The following XIRP2 variants were observed in gnomAD, a reference collection of about 807,000 sequenced individuals.
XIRP2 encodes the protein xin actin-binding repeat-containing protein 2.
In XIRP2, 236 loss-of-function variants were observed where a neutral mutation model predicts 277.0. The observed-to-expected ratio is 0.85, with a 90% CI of 0.77 to 0.95. XIRP2 has a LOEUF of 0.95. Among genes scored for constraint, XIRP2 ranks in the 40% least tolerant of loss-of-function variants. The pLI is 0.00. For missense variants in XIRP2, 4,640 were observed against 4,157.5 expected (o/e 1.12, Z -3.19); for synonymous variants, 1,490 against 1,416.5 (o/e 1.05, Z -1.17).
At chr2:166,933,243 G>C (rs1050970449) in intron 2 of XIRP2, among the ~76,000 whole-genome samples, 4 of 151,232 alleles carry the variant, frequency 2.6e-5, no homozygotes, top group African/African-American at 9.7e-5. Flanking sequence ...CCACCTCCCG[G>C]GTTCACACCA....
intron 2 of XIRP2, among the ~76,000 whole-genome samples, chr2:167,065,439 A>G (rs542243906): frequency 6.6e-6 from 1 of 151,888 alleles, no homozygotes; most frequent in Admixed American, 6.6e-5. Context: ...TGATTTGTAA[A>G]TATTTTCTCC....
Position 167,001,024 on chromosome 2 carries a change from C to T in XIRP2, c.408+97134C>T, listed in dbSNP as rs181399350. Among the ~76,000 whole-genome samples the T allele has an allele frequency of 4.4e-3, 670 of 152,164 alleles. 6 individuals carry two copies. The highest frequency in any genetic ancestry group is 4.1e-3 in the Non-Finnish European group (281 of 67,992). ...ATTGTGCCTGTAAATAGCCCCTTCA[C>T]TTCAGCCTCCATTTCTTAAAAAATA... On this transcript the variant is annotated intron_variant, in intron 2 of 10. Transcript: ENST00000409195.
chr2:167,123,401 C>A (rs570787270), intron 2 of XIRP2, among the ~76,000 whole-genome samples: 1 of 152,254 alleles, frequency 6.6e-6, no homozygotes, highest in East Asian at 1.9e-4. Context: ...CAGTTATAAT[C>A]TTATGCCTGT....
rs1240009890 is a variant in XIRP2 at position 167,248,725 on chromosome 2, G to A, written c.7333G>A (p.Glu2445Lys). 2 of 1,613,484 alleles carry A rather than the reference G, an allele frequency of 1.2e-6. No individual in the cohort carries two copies. Among genetic ancestry groups the A allele is most frequent in the Non-Finnish European group, 1.7e-6 (2 of 1,179,788 alleles). ...DNKNDFSPKV[E>K]LATSLSDMEC... ...TAAGAACGATTTTTCCCCCAAAGTT[G>A]AACTGGCAACCTCCCTGTCAGATAT... is the stretch of plus-strand genomic sequence containing the variant. The change falls in exon 9 of 11, where the codon GAA becomes AAA. Residue 2445 changes from glutamate to lysine, a missense_variant. By Grantham distance (56) the Glu-to-Lys change is moderately conservative. Transcript: ENST00000409195.
chr2:166,931,930 A>G (rs1045653795), intron 2 of XIRP2, among the ~76,000 whole-genome samples: 1 of 152,100 alleles, frequency 6.6e-6, no homozygotes, highest in Non-Finnish European at 1.5e-5. Flanking sequence ...CATTATTTAT[A>G]TGTGTATTTT....
intron 2 of XIRP2, among the ~76,000 whole-genome samples, chr2:166,926,967 G>A (rs1169623879): frequency 6.6e-6 from 1 of 152,078 alleles, no homozygotes; most frequent in Non-Finnish European, 1.5e-5. Flanking sequence ...TCCTGGGAAT[G>A]GGAGGCAAAG....
At chr2:167,180,647 A>G (rs1370704248) in intron 3 of XIRP2, among the ~76,000 whole-genome samples, 5 of 152,160 alleles carry the variant, frequency 3.3e-5, no homozygotes, top group African/African-American at 1.2e-4. Context: ...TGTAGCTTGT[A>G]TCTTTGTGAC....
intron 2 of XIRP2, among the ~76,000 whole-genome samples, chr2:166,969,253 A>C (rs1257399980): frequency 6.6e-6 from 1 of 152,016 alleles, no homozygotes; most frequent in Non-Finnish European, 1.5e-5. Flanking sequence ...GGATGAGGTC[A>C]ATTCTACCTA....
chr2:167,099,367 G>A (rs1240637892), intron 2 of XIRP2, among the ~76,000 whole-genome samples: 6 of 152,130 alleles, frequency 3.9e-5, no homozygotes, highest in Admixed American at 3.3e-4. Context: ...CACCAAGCTC[G>A]AGCATCCCAG....
intron 2 of XIRP2, among the ~76,000 whole-genome samples, chr2:167,085,770 GC>G (rs1421422884): frequency 1.3e-5 from 2 of 152,010 alleles, no homozygotes; most frequent in African/African-American, 2.4e-5. Context: ...TGCAACCCCT[GC>G]CTTTTTTGTT....
At chr2:167,134,997 C>T (rs1462064080) in intron 2 of XIRP2, among the ~76,000 whole-genome samples, 3 of 151,790 alleles carry the variant, frequency 2.0e-5, no homozygotes, top group Non-Finnish European at 2.9e-5. Flanking sequence ...TATTGTGGAC[C>T]GCAGGTAAAT....
intron 2 of XIRP2, among the ~76,000 whole-genome samples, chr2:167,068,320 A>G (rs1689352759): frequency 6.6e-6 from 1 of 152,202 alleles, no homozygotes; most frequent in Admixed American, 6.5e-5. Context: ...TAATTCTTGA[A>G]CATATTAAAT....
In XIRP2 at chr2:167,251,198, C is replaced by T. The variant is rs1281844486; in HGVS notation, c.9806C>T (p.Ala3269Val). 2.5e-6 allele frequency: 4 copies of T among 1,613,382 alleles called. No homozygotes were observed. In the African/African-American group the frequency reaches 5.3e-5, roughly 22 times the overall value. Residue 3269 changes from alanine (A) to valine (V), a missense_variant, in exon 9 of 11, where the codon GCT (alanine) becomes GTT (valine). Transcript: ENST00000409195. ...GAAATCAGGAAAGTGGAGAAGAGAG[C>T]TACTTATGTTCATAAAGATGGACTA... ...QEEIRKVEKR[A>V]TYVHKDGLNS...
At chr2:167,142,680 G>A (rs368173689) in intron 3 of XIRP2, among the ~76,000 whole-genome samples, 21 of 152,300 alleles carry the variant, frequency 1.4e-4, no homozygotes, top group African/African-American at 4.6e-4. Flanking sequence ...CTTAAACTGA[G>A]TTCATGACTC....
chr2:167,254,000 C>A, intron 9 of XIRP2, 32 bp from the exon 10 acceptor site: 1 of 1,558,558 alleles, frequency 6.4e-7, no homozygotes, highest in Non-Finnish European at 8.7e-7. Flanking sequence ...GAAGATAACA[C>A]TACAGAAGGC....
At chr2:167,074,285 AATTATT>A (rs1336110801) in intron 2 of XIRP2, among the ~76,000 whole-genome samples, 1 of 152,088 alleles carries the variant, frequency 6.6e-6, no homozygotes, top group African/African-American at 2.4e-5. Context: ...AATTAATGCT[AATTATT>A]ATTGTGTCTA....
intron 7 of XIRP2, 98 bp from the exon 8 acceptor site, chr2:167,241,679 G>T: frequency 1.5e-6 from 2 of 1,375,374 alleles, no homozygotes; most frequent in South Asian, 3.0e-5. Flanking sequence ...CAAAGTATTG[G>T]GATTACAGGA....
chr2:167,152,190 C>G (rs1692036287), intron 3 of XIRP2, among the ~76,000 whole-genome samples: 1 of 152,070 alleles, frequency 6.6e-6, no homozygotes, highest in Non-Finnish European at 1.5e-5. Context: ...GCACATGCAG[C>G]AAGTATTTTC....
chr2:166,957,530 T>C (rs915650503), intron 2 of XIRP2, among the ~76,000 whole-genome samples: 2 of 151,972 alleles, frequency 1.3e-5, no homozygotes, highest in African/African-American at 4.8e-5. Context: ...TTTATGAATG[T>C]ATTAGATGCT....
Sources: allele counts gnomAD v4.1 joint callset (sites outside exome capture counted in the v4.1 genomes callset), GRCh38; gene constraint gnomAD v4.1.1; transcripts MANE v1.5; gene names NCBI Gene and HGNC (gene_info 2026-07-23, HGNC 2026-07-21).